PUDP: variants seen among roughly 807,000 people sequenced by gnomAD.
PUDP encodes pseudouridine-5'-phosphatase.
Under a neutral mutation model 9.4 loss-of-function variants are expected in PUDP, and 8 were observed. The ratio of observed to expected loss-of-function variants is 0.85; its 90% CI spans 0.50 to 1.53. The LOEUF (loss-of-function observed/expected upper bound fraction) is 1.53, where lower values mean the gene tolerates loss of function less well. Ranked by LOEUF, PUDP falls within the 40% of genes most tolerant of loss-of-function variation. The pLI is 0.00. For missense variants in PUDP, 188 were observed against 189.7 expected (o/e 0.99, Z 0.05); for synonymous variants, 99 against 80.7 (o/e 1.23, Z -1.22).
intron 3 of PUDP, among the ~76,000 whole-genome samples, chrX:6,774,096 C>T (rs936206446): frequency 9.0e-6 from 1 of 111,505 alleles, no homozygotes; most frequent in African/African-American, 3.3e-5. Context: ...CTGAGACTGC[C>T]GCTGCACTCC....
intron 3 of PUDP, among the ~76,000 whole-genome samples, chrX:6,964,134 AG>A (rs1928747743): frequency 8.9e-6 from 1 of 112,262 alleles, no homozygotes; most frequent in African/African-American, 3.2e-5. Context: ...GCTTTAGACA[AG>A]GTCTTTTGCA....
intron 1 of PUDP, among the ~76,000 whole-genome samples, chrX:6,717,034 G>C (rs1441658702): frequency 9.0e-6 from 1 of 111,640 alleles, no homozygotes; most frequent in Non-Finnish European, 1.9e-5. Context: ...CTCCCAAAGT[G>C]CTGGGACCAT....
intron 3 of PUDP, among the ~76,000 whole-genome samples, chrX:6,917,999 T>C (rs1162703563): frequency 8.9e-6 from 1 of 112,272 alleles, no homozygotes; most frequent in Non-Finnish European, 1.9e-5. Flanking sequence ...AAAGGAAAAG[T>C]CACAGCTCTT....
chrX:6,777,746 AG>A (rs1437400422), intron 3 of PUDP, among the ~76,000 whole-genome samples: 5 of 112,067 alleles, frequency 4.5e-5, no homozygotes, highest in African/African-American at 1.6e-4. Context: ...TAGATACAGT[AG>A]CACACTGTAG....
chrX:6,713,225 T>A (rs1464539596), intron 1 of PUDP, among the ~76,000 whole-genome samples: 2 of 111,872 alleles, frequency 1.8e-5, no homozygotes, highest in African/African-American at 6.5e-5. Context: ...ATTATTTAAC[T>A]TTGTTTTTTT....
At chrX:6,990,454 C>T (rs1230392238) in intron 1 of PUDP, among the ~76,000 whole-genome samples, 1 of 112,139 alleles carries the variant, frequency 8.9e-6, no homozygotes, top group Non-Finnish European at 1.9e-5. Flanking sequence ...CTTATTTGAA[C>T]CAACTTCCCC....
chrX:6,997,970 T>C (rs1248493231), intron 1 of PUDP, among the ~76,000 whole-genome samples: 1 of 112,235 alleles, frequency 8.9e-6, no homozygotes, highest in Non-Finnish European at 1.9e-5. Context: ...TTCACTGGAC[T>C]GATAAGTACA....
At chrX:7,123,593 T>C (rs1329292227) in intron 1 of PUDP, among the ~76,000 whole-genome samples, 1 of 111,578 alleles carries the variant, frequency 9.0e-6, no homozygotes. Context: ...GATTGAAGAA[T>C]GGATTTAAAA....
intron 3 of PUDP, among the ~76,000 whole-genome samples, chrX:6,900,578 G>A (rs1927667161): frequency 9.5e-6 from 1 of 104,937 alleles, no homozygotes; most frequent in South Asian, 4.3e-4. Flanking sequence ...AGAGGGAGAC[G>A]GAGAGGGAGA....
chrX:6,787,799 T>A (rs1216603940), intron 3 of PUDP, among the ~76,000 whole-genome samples: 1 of 112,363 alleles, frequency 8.9e-6, no homozygotes. Flanking sequence ...TGCTTTTATT[T>A]TAAGCTTTGA....
Position 6,719,969 on chromosome X carries a change from G to A in PUDP, n.128+1448C>T, listed in dbSNP as rs142395201. On this transcript the variant is annotated intron_variant and non_coding_transcript_variant, in intron 1 of 2. Transcript: ENST00000438499. ...CAATCCCACTTTTGCATATATATCCGAGGGAAACAAGATCAGCGTCTCAAA... is the reference window on the plus strand; with the variant it reads ...CAATCCCACTTTTGCATATATATCCAAGGGAAACAAGATCAGCGTCTCAAA... 9.9e-3 allele frequency among the ~76,000 whole-genome samples: 1,085 copies of A among 109,284 alleles called. 7 individuals are homozygous for A. The highest frequency in any genetic ancestry group is 0.043 in the Middle Eastern group (9 of 210). The allele number at this position is 109,284 out of a possible 115,157, so 94.9% of individuals were successfully genotyped here. A position where few individuals can be genotyped will look rare whatever the true frequency, so the allele number is the denominator to read the frequency against.
At chrX:6,773,546 A>C (rs1925401415) in intron 3 of PUDP, among the ~76,000 whole-genome samples, 1 of 111,361 alleles carries the variant, frequency 9.0e-6, no homozygotes, top group Non-Finnish European at 1.9e-5. Context: ...ATGTGATTGC[A>C]CAGCAAACCA....
chrX:6,743,493 T>C lies in PUDP; in HGVS notation c.*248-37027A>G, dbSNP rs187892677. 6.2e-5 allele frequency among the ~76,000 whole-genome samples: 7 copies of C among 112,490 alleles called. No homozygotes were observed. In the East Asian group the frequency reaches 1.4e-3, roughly 22 times the overall value. The stretch of plus-strand genomic sequence containing the variant: ...TATTAATACGTACAACCTGGTTTTA[T>C]CTTCACTTCCATGCTTTCCATTGCT... On this transcript the variant is annotated intron_variant and NMD_transcript_variant, in intron 3 of 3. Transcript: ENST00000655425.
chrX:6,909,001 TA>T (rs1196075812), intron 3 of PUDP, among the ~76,000 whole-genome samples: 1 of 109,504 alleles, frequency 9.1e-6, no homozygotes, highest in African/African-American at 3.3e-5. Context: ...CTCTACTAAG[TA>T]GCTAGATATG....
rs751976485 is a variant in PUDP at position 7,014,967 on chromosome X, A to C, written c.205-36624T>G. Among the ~76,000 whole-genome samples the C allele has an allele frequency of 8.0e-5, 9 of 111,822 alleles. No individual in the cohort carries two copies. The South Asian group carries it at 3.4e-3, about 42-fold the overall frequency. On this transcript the variant is annotated intron_variant and NMD_transcript_variant, in intron 1 of 3. Transcript: ENST00000655425. ...TGAAATCAAAATCTGCCTTTGGATA[A>C]CTTTTACTCACTCCCTGGTCTTGTT...
chrX:7,138,757 T>C lies in PUDP; in HGVS notation c.61+9296A>G, dbSNP rs1321975173. 2.7e-5 allele frequency among the ~76,000 whole-genome samples: 3 copies of C among 112,042 alleles called. No homozygotes were observed. The Admixed American group carries it at 2.8e-4, about 11-fold the overall frequency. ...GCTCAAAAGAGATGTGAAGAGGAGC[T>C]ACACAGGTGCTCCAGCTATGCAAAC... On this transcript the variant is annotated intron_variant, in intron 1 of 3. Transcript: ENST00000381077.
intron 3 of PUDP, among the ~76,000 whole-genome samples, chrX:6,927,305 A>G (rs773501724): frequency 6.2e-5 from 7 of 112,006 alleles, no homozygotes; most frequent in Middle Eastern, 4.7e-3. Flanking sequence ...ATAGAATGAG[A>G]CATCTACAAA....
intron 3 of PUDP, among the ~76,000 whole-genome samples, chrX:6,845,412 CTT>C (rs1388407076): frequency 1.8e-5 from 2 of 112,110 alleles, no homozygotes; most frequent in Non-Finnish European, 3.8e-5. Context: ...ATAACAAGCT[CTT>C]TTTTTGTTGT....
chrX:6,879,253 C>A (rs1430948571), intron 3 of PUDP, among the ~76,000 whole-genome samples: 1 of 112,060 alleles, frequency 8.9e-6, no homozygotes, highest in Non-Finnish European at 1.9e-5. Flanking sequence ...GACTTCTGCA[C>A]TGCAGTGTTT....
Sources: allele counts gnomAD v4.1 joint callset (sites outside exome capture counted in the v4.1 genomes callset), GRCh38; gene constraint gnomAD v4.1.1; transcripts MANE v1.5; gene names NCBI Gene and HGNC (gene_info 2026-07-23, HGNC 2026-07-21).